The following SHE variants were observed in gnomAD, a reference collection of about 807,000 sequenced individuals.
SHE encodes Src homology 2 domain containing E.
SHE carries 11 observed loss-of-function variants against 49.8 expected under a neutral mutation model. That is an observed-to-expected ratio of 0.22 (90% CI 0.14 to 0.37). The LOEUF is 0.37. SHE is among the 10% of genes least tolerant of loss of function. The probability of loss-of-function intolerance (pLI) is 1.00; values close to 1 mark genes in which losing one functional copy is unlikely to be tolerated. For synonymous variants in SHE, 310 were observed against 278.1 expected (o/e 1.11, Z -1.14); for missense variants, 624 against 655.5 (o/e 0.95, Z 0.52).
chr1:154,490,998 A>C (rs771898892), intron 2 of SHE, among the ~76,000 whole-genome samples: 69 of 152,322 alleles, frequency 4.5e-4, no homozygotes, highest in Middle Eastern at 3.4e-3. Context: ...AACTAGCAGT[A>C]CAGGGTGGTG....
At chr1:154,488,976 A>G (rs1692272698) in intron 3 of SHE, 75 bp downstream of exon 3, 1 of 1,491,072 alleles carries the variant, frequency 6.7e-7, no homozygotes, top group East Asian at 2.3e-5. Context: ...CACAAGGAAA[A>G]AAACAAATGT....
chr1:154,480,560 A>C lies in SHE; in HGVS notation c.*3589T>G, dbSNP rs1571041169. The C allele has an allele frequency of 1.0e-6, 1 of 985,280 alleles. No homozygotes were observed. Among genetic ancestry groups the C allele is most frequent in the South Asian group, 4.7e-5 (1 of 21,274 alleles). 61.0% of individuals were successfully genotyped at this position (985,280 alleles called of 1,614,324 possible). A position where few individuals can be genotyped will look rare whatever the true frequency, so the allele number is the denominator to read the frequency against. ...GGCTGCCCCTATCAGCTACCTGCCC[A>C]CCTCCCCATCCTGCGGCAGAGGCTA... On this transcript the variant is annotated 3_prime_UTR_variant, in exon 6 of 6. Transcript: ENST00000304760.
At chr1:154,493,596 T>C (rs887177512) in intron 2 of SHE, among the ~76,000 whole-genome samples, 1 of 152,228 alleles carries the variant, frequency 6.6e-6, no homozygotes, top group African/African-American at 2.4e-5. Flanking sequence ...AACATGCAGT[T>C]GGTTGGTGTG....
chr1:154,480,707 G>A lies in SHE; in HGVS notation c.*3442C>T, dbSNP rs147490847. ...ATGACACTTCTGCCCCCAACAGAGA[G>A]TAGATATATCAATATTTACCTTTTT... On this transcript the variant is annotated 3_prime_UTR_variant, in exon 6 of 6. Transcript: ENST00000304760. 4.1e-6 allele frequency: 4 copies of A among 985,360 alleles called. No individual in the cohort carries two copies. The African/African-American group carries it at 7.0e-5, about 17-fold the overall frequency. The allele number at this position is 985,360 out of a possible 1,614,324, so 61.0% of individuals were successfully genotyped here.
downstream of SHE, among the ~76,000 whole-genome samples, chr1:154,474,567 G>A (rs759295946): frequency 6.6e-6 from 1 of 152,042 alleles, no homozygotes; most frequent in Non-Finnish European, 1.5e-5. Context: ...GAGTGCAGTG[G>A]TGCCATCTTG....
Position 154,483,892 on chromosome 1 carries a change from G to T in SHE, c.*257C>A. 1 of 1,095,540 alleles carries T rather than the reference G, an allele frequency of 9.1e-7. No homozygotes were observed. Among genetic ancestry groups the T allele is most frequent in the Non-Finnish European group, 1.2e-6 (1 of 848,504 alleles). The allele number at this position is 1,095,540 out of a possible 1,614,324, so 67.9% of individuals were successfully genotyped here. A position where few individuals can be genotyped will look rare whatever the true frequency, so the allele number is the denominator to read the frequency against. ...GCGAACCTATAGTCCCACCTACTTG[G>T]GAGGCTGATGGGGAAGAACTGCTTG... is the stretch of plus-strand genomic sequence containing the variant. On this transcript the variant is annotated 3_prime_UTR_variant, in exon 6 of 6. Coordinates refer to ENST00000304760, the MANE Select transcript of SHE (RefSeq NM_001010846.3).
intron 3 of SHE, 23 bp downstream of exon 3, chr1:154,489,028 C>A (rs183093102): frequency 2.0e-6 from 3 of 1,527,114 alleles, no homozygotes; most frequent in Admixed American, 2.1e-5. Flanking sequence ...CACACTGGGG[C>A]GGGCCTGGCC....
At chr1:154,472,195 T>C (rs1691763449) in intron 1 of SHE, among the ~76,000 whole-genome samples, 1 of 152,132 alleles carries the variant, frequency 6.6e-6, no homozygotes, top group African/African-American at 2.4e-5. Context: ...AGTGTGCTGC[T>C]CTATAAGAGT....
At chr1:154,493,910 T>C (rs1165712856) in intron 2 of SHE, among the ~76,000 whole-genome samples, 4 of 152,204 alleles carry the variant, frequency 2.6e-5, no homozygotes, top group Non-Finnish European at 5.9e-5. Context: ...GTTACCCCAT[T>C]TTCACAGGTG....
intron 5 of SHE, 64 bp downstream of exon 5, chr1:154,485,879 C>A: frequency 1.3e-6 from 2 of 1,575,524 alleles, no homozygotes; most frequent in Admixed American, 3.4e-5. Flanking sequence ...TTTTTTTTGA[C>A]TAGAAGACTG....
At chr1:154,470,593 A>G (rs758984908) in intron 1 of SHE, among the ~76,000 whole-genome samples, 3 of 152,120 alleles carry the variant, frequency 2.0e-5, no homozygotes, top group Non-Finnish European at 4.4e-5. Flanking sequence ...TAATCCTAGC[A>G]CTTTGGGAGG....
chr1:154,471,602 C>T (rs897729236), intron 1 of SHE, among the ~76,000 whole-genome samples: 1 of 151,916 alleles, frequency 6.6e-6, no homozygotes, highest in African/African-American at 2.4e-5. Context: ...AACAAAACAC[C>T]ACTAGTTCAG....
chr1:154,489,035 G>A lies in SHE; in HGVS notation c.1024+16C>T, dbSNP rs758619516. On this transcript the variant is annotated intron_variant, in intron 3 of 5. Coordinates refer to ENST00000304760, the MANE Select transcript of SHE (RefSeq NM_001010846.3). ...ACTGAAGTCACACTGGGGCGGGCCT[G>A]GCCTGGCGCCCTCACCTGACAGAGC... The A allele has an allele frequency of 1.8e-5, 27 of 1,542,174 alleles. No individual in the cohort carries two copies. Among genetic ancestry groups the A allele is most frequent in the Non-Finnish European group, 2.2e-5 (25 of 1,145,114 alleles).
chr1:154,500,951 C>G (rs190695609), intron 1 of SHE, among the ~76,000 whole-genome samples: 1 of 152,316 alleles, frequency 6.6e-6, no homozygotes, highest in African/African-American at 2.4e-5. Flanking sequence ...GGTGGAACCG[C>G]AGAAAATGAT....
At chr1:154,498,464 C>G (rs376587805) in intron 2 of SHE, among the ~76,000 whole-genome samples, 62 of 150,182 alleles carry the variant, frequency 4.1e-4, no homozygotes, top group African/African-American at 1.3e-3. Context: ...GTGGCGCAAT[C>G]TTGGCTTGTT....
At chr1:154,478,731 A>C (rs1385106765), downstream of SHE, among the ~76,000 whole-genome samples, 1 of 152,190 alleles carries the variant, frequency 6.6e-6, no homozygotes, top group Non-Finnish European at 1.5e-5. Flanking sequence ...GCTTGTAAAC[A>C]CGTGTTCAAT....
intron 1 of SHE, among the ~76,000 whole-genome samples, chr1:154,471,943 C>T (rs548430266): frequency 2.6e-5 from 4 of 152,082 alleles, no homozygotes; most frequent in African/African-American, 4.8e-5. Context: ...GAGGCCAAGG[C>T]GGGTGGATCA....
At chr1:154,484,698 C>A (rs1008270237) in intron 5 of SHE, 7 of 183,554 alleles carry the variant, frequency 3.8e-5, no homozygotes. Flanking sequence ...CACGGTGGCT[C>A]ACGCCTGTAT....
At chr1:154,484,445 G>T in intron 5 of SHE, 110 bp from the exon 6 acceptor site, 3 of 881,986 alleles carry the variant, frequency 3.4e-6, no homozygotes, top group South Asian at 1.7e-5. Context: ...CATCCATCCC[G>T]TAATGGTTCT....
Sources: gnomAD v4.1 joint callset for allele counts (sites outside exome capture counted in the v4.1 genomes callset) on GRCh38, gnomAD v4.1.1 for gene constraint, MANE v1.5 for transcripts, NCBI Gene and HGNC (gene_info 2026-07-23, HGNC 2026-07-21) for gene names.